PTCHD4: variants seen among roughly 807,000 people sequenced by gnomAD.
PTCHD4 encodes patched domain-containing protein 4.
PTCHD4 carries 33 observed loss-of-function variants against 58.1 expected under a neutral mutation model. The observed-to-expected ratio is 0.57, with a 90% CI of 0.43 to 0.76. The LOEUF is 0.76. PTCHD4 is among the 30% of genes least tolerant of loss of function. The probability of loss-of-function intolerance (pLI) is 0.00; values close to 1 mark genes in which losing one functional copy is unlikely to be tolerated. For missense variants in PTCHD4, 1,058 were observed against 1,027.1 expected, an observed-to-expected ratio of 1.03 and a Z score of -0.41; for synonymous variants, 478 against 409.6, an observed-to-expected ratio of 1.17 and a Z score of -2.02.
rs902703602 is a variant in PTCHD4, at chr6:47,876,740, C to T, written c.*1563G>A. On this transcript the variant is annotated 3_prime_UTR_variant, in exon 5 of 5. Transcript: ENST00000339488. ...TACCTGGAAATAAATTATGTTACTGCTTGGCATGGGAAAAGGCATTTTCTA... is the reference window on the plus strand; with the variant it reads ...TACCTGGAAATAAATTATGTTACTGTTTGGCATGGGAAAAGGCATTTTCTA... Among the ~76,000 whole-genome samples the T allele has an allele frequency of 2.0e-5, 3 of 151,968 alleles. No homozygotes were observed. Among genetic ancestry groups the T allele is most frequent in the Non-Finnish European group, 2.9e-5 (2 of 67,948 alleles).
Position 47,862,882 on chromosome 6 carries a change from T to C in PTCHD4, c.*15421A>G, listed in dbSNP as rs1763464553. ...TTCCTGGAACACTAGTTCTTTAAGA[T>C]GCTCCATGAACATAATGACCCATGG... On this transcript the variant is annotated 3_prime_UTR_variant, in exon 5 of 5. Coordinates refer to ENST00000339488, the MANE Select transcript of PTCHD4 (RefSeq NM_001384253.1). Among the ~76,000 whole-genome samples the C allele has an allele frequency of 1.3e-5, 2 of 151,892 alleles. No homozygotes were observed. The highest frequency in any genetic ancestry group is 2.9e-5 in the Non-Finnish European group (2 of 67,874).
intron 3 of PTCHD4, among the ~76,000 whole-genome samples, chr6:48,026,839 G>A (rs568376678): frequency 5.3e-5 from 8 of 151,700 alleles, no homozygotes; most frequent in East Asian, 1.9e-4. Flanking sequence ...TGGGGCAGAC[G>A]AAAATATTAA....
At chr6:48,099,334 T>A (rs1052288176) in intron 1 of PTCHD4, among the ~76,000 whole-genome samples, 2 of 152,188 alleles carry the variant, frequency 1.3e-5, no homozygotes, top group Admixed American at 1.3e-4. Flanking sequence ...CTTTAGGAAT[T>A]TCTGTTCTAG....
Position 48,069,193 on chromosome 6 carries a change from G to GGGA in PTCHD4, c.-237_-236insTCC, listed in dbSNP as rs1764921244. Among the ~76,000 whole-genome samples the GGGA allele has an allele frequency of 8.2e-6, 1 of 121,310 alleles. No individual in the cohort carries two copies. Among genetic ancestry groups the GGGA allele is most frequent in the Non-Finnish European group, 1.7e-5 (1 of 57,294 alleles). The allele number at this position is 121,310 out of a possible 152,430, so 79.6% of individuals were successfully genotyped here. A position where few individuals can be genotyped will look rare whatever the true frequency, so the allele number is the denominator to read the frequency against. The stretch of plus-strand genomic sequence containing the variant: ...AGGGAGAAGGGCGGGAGCACGTTGG[G>GGGA]GGTGGGGGGGCAGATAAGCTTTTTT... On this transcript the variant is annotated 5_prime_UTR_variant, in exon 2 of 5. Coordinates refer to ENST00000339488, the MANE Select transcript of PTCHD4 (RefSeq NM_001384253.1).
chr6:47,899,778 T>C (rs1046031938), intron 4 of PTCHD4: 6 of 154,306 alleles, frequency 3.9e-5, no homozygotes, highest in African/African-American at 1.4e-4. Flanking sequence ...AGTGACTCCA[T>C]TCCCTGGCTT....
At chr6:47,995,211 TCTTGG>T (rs1768440800) in intron 4 of PTCHD4, among the ~76,000 whole-genome samples, 1 of 152,198 alleles carries the variant, frequency 6.6e-6, no homozygotes, top group Non-Finnish European at 1.5e-5. Flanking sequence ...TATTGATTCA[TCTTGG>T]CAAAAGTTTA....
intron 3 of PTCHD4, among the ~76,000 whole-genome samples, chr6:48,012,508 G>T (rs1762715733): frequency 1.3e-5 from 2 of 152,140 alleles, no homozygotes; most frequent in Admixed American, 6.5e-5. Flanking sequence ...GTACAATAAT[G>T]CCATCTGCAA....
chr6:48,037,356 G>A (rs1477872154), intron 3 of PTCHD4, among the ~76,000 whole-genome samples: 1 of 152,158 alleles, frequency 6.6e-6, no homozygotes, highest in Admixed American at 6.5e-5. Flanking sequence ...ACTGTCTGAC[G>A]TTTCATGCAT....
intron 1 of PTCHD4, among the ~76,000 whole-genome samples, chr6:48,077,393 T>C (rs1765081148): frequency 6.6e-6 from 1 of 152,250 alleles, no homozygotes; most frequent in Non-Finnish European, 1.5e-5. Context: ...AGTTGTTGTT[T>C]AGTGTATCCA....
At chr6:47,993,181 C>T (rs1335480848) in intron 4 of PTCHD4, among the ~76,000 whole-genome samples, 1 of 152,096 alleles carries the variant, frequency 6.6e-6, no homozygotes, top group Non-Finnish European at 1.5e-5. Flanking sequence ...AAAAAAATAG[C>T]CACCATGACC....
chr6:47,927,384 T>C lies in PTCHD4; in HGVS notation c.899-47448A>G, dbSNP rs115031335. Among the ~76,000 whole-genome samples the C allele has an allele frequency of 3.1e-3, 471 of 152,248 alleles. 4 individuals carry two copies. Among genetic ancestry groups the C allele is most frequent in the African/African-American group, 0.011 (440 of 41,548 alleles). ...TGCAAGATGCTGAAATAGGCACTCA[T>C]TCCCTGCTGGTCCTGTTGTTCATGA... is the stretch of plus-strand genomic sequence containing the variant. On this transcript the variant is annotated intron_variant, in intron 4 of 4. Transcript: ENST00000339488.
chr6:47,865,546 G>T lies in PTCHD4; in HGVS notation c.*12757C>A, dbSNP rs746618776. 9.2e-5 allele frequency among the ~76,000 whole-genome samples: 14 copies of T among 151,816 alleles called. No individual in the cohort carries two copies. The highest frequency in any genetic ancestry group is 1.3e-4 in the Non-Finnish European group (9 of 67,868). ...CATTAAATTCACTAATGTGAATATT[G>T]TTGTGTTTTAGACACTCAAAGTTCT... On this transcript the variant is annotated 3_prime_UTR_variant, in exon 5 of 5. Transcript: ENST00000339488.
chr6:47,905,229 T>C (rs1764839613), intron 4 of PTCHD4, among the ~76,000 whole-genome samples: 1 of 152,152 alleles, frequency 6.6e-6, no homozygotes, highest in South Asian at 2.1e-4. Flanking sequence ...CATTGAAGGA[T>C]ATAGGCAAAA....
intron 4 of PTCHD4, among the ~76,000 whole-genome samples, chr6:47,938,213 G>T (rs1023124879): frequency 6.6e-6 from 1 of 152,164 alleles, no homozygotes; most frequent in Non-Finnish European, 1.5e-5. Context: ...GTAAGATGTT[G>T]CTAATAGGTC....
At chr6:47,971,071 G>A (rs981955457) in intron 4 of PTCHD4, among the ~76,000 whole-genome samples, 2 of 152,138 alleles carry the variant, frequency 1.3e-5, no homozygotes, top group African/African-American at 2.4e-5. Context: ...CTTCCAATAT[G>A]CTTTCAAAAT....
chr6:48,064,971 G>A (rs1172524916), intron 3 of PTCHD4, among the ~76,000 whole-genome samples: 3 of 152,120 alleles, frequency 2.0e-5, no homozygotes, highest in African/African-American at 7.2e-5. Flanking sequence ...GTCGATGGCT[G>A]CTTTTTTGAT....
chr6:47,996,299 T>A (rs959245263), intron 4 of PTCHD4, among the ~76,000 whole-genome samples: 4 of 152,074 alleles, frequency 2.6e-5, no homozygotes, highest in Admixed American at 2.6e-4. Context: ...TGAAACCCCA[T>A]CTCTACTATT....
At chr6:48,062,132 T>C (rs1359249079) in intron 3 of PTCHD4, among the ~76,000 whole-genome samples, 1 of 152,186 alleles carries the variant, frequency 6.6e-6, no homozygotes, top group African/African-American at 2.4e-5. Flanking sequence ...GCATACACAA[T>C]GTATTTTGAA....
At chr6:48,013,707 A>G (rs976124726) in intron 3 of PTCHD4, among the ~76,000 whole-genome samples, 13 of 152,048 alleles carry the variant, frequency 8.5e-5, no homozygotes, top group African/African-American at 2.7e-4. Flanking sequence ...TTGAAATCCC[A>G]CTTTGATGTG....
Sources: allele counts gnomAD v4.1 joint callset (sites outside exome capture counted in the v4.1 genomes callset), GRCh38; gene constraint gnomAD v4.1.1; transcripts MANE v1.5; gene names NCBI Gene and HGNC (gene_info 2026-07-23, HGNC 2026-07-21).